The following CAB39L variants were observed in gnomAD, a reference collection of about 807,000 sequenced individuals.
The protein encoded by CAB39L is calcium-binding protein 39-like.
A neutral mutation model predicts 39.1 loss-of-function variants in CAB39L; 23 were observed. The ratio of observed to expected loss-of-function variants is 0.59; its 90% CI spans 0.42 to 0.83. The LOEUF (loss-of-function observed/expected upper bound fraction) is 0.83. Among genes scored for constraint, CAB39L ranks in the 40% least tolerant of loss-of-function variants. The pLI is 0.00. For missense variants in CAB39L, 366 were observed against 391.9 expected (o/e 0.93, Z 0.56); for synonymous variants, 126 against 137.2 (o/e 0.92, Z 0.57).
chr13:49,442,672 G>A (rs1333381564), intron 1 of CAB39L, among the ~76,000 whole-genome samples: 1 of 151,346 alleles, frequency 6.6e-6, no homozygotes, highest in Non-Finnish European at 1.5e-5. Context: ...GGTGTCTGTA[G>A]TCCCAGCTAC....
At chr13:49,400,976 C>T (rs560177440) in intron 3 of CAB39L, among the ~76,000 whole-genome samples, 53 of 152,016 alleles carry the variant, frequency 3.5e-4, no homozygotes, top group African/African-American at 1.2e-3. Flanking sequence ...TTAAACCTCT[C>T]CTAGTAACAG....
intron 6 of CAB39L, chr13:49,351,262 T>TTGTGTGTGTG (rs3035410): frequency 0.072 from 10,792 of 149,208 alleles, 431 homozygotes; most frequent in Non-Finnish European, 0.083. Context: ...GGTGACTAAA[T>TTGTGTGTGTG]TGTGTGTGTG....
chr13:49,398,183 G>A (rs1407810181), intron 3 of CAB39L, among the ~76,000 whole-genome samples: 1 of 152,018 alleles, frequency 6.6e-6, no homozygotes, highest in Admixed American at 6.6e-5. Context: ...TCCTTCCAAA[G>A]TTGGAAGGGA....
At chr13:49,350,154 G>A (rs1422840897) in intron 7 of CAB39L, among the ~76,000 whole-genome samples, 2 of 152,066 alleles carry the variant, frequency 1.3e-5, no homozygotes, top group Non-Finnish European at 2.9e-5. Flanking sequence ...TGCATCCTAC[G>A]ATTTCCTACA....
chr13:49,438,248 T>C (rs1288005117), intron 1 of CAB39L, among the ~76,000 whole-genome samples: 3 of 152,204 alleles, frequency 2.0e-5, no homozygotes, highest in Non-Finnish European at 4.4e-5. Context: ...CAAACAACCT[T>C]ATTCTACTTC....
At chr13:49,360,651 G>A (rs953533621) in intron 5 of CAB39L, among the ~76,000 whole-genome samples, 1 of 152,274 alleles carries the variant, frequency 6.6e-6, no homozygotes, top group African/African-American at 2.4e-5. Flanking sequence ...ATCTCATTAC[G>A]AATTGTAATC....
At chr13:49,388,431 G>A (rs1472544862) in intron 3 of CAB39L, among the ~76,000 whole-genome samples, 1 of 151,890 alleles carries the variant, frequency 6.6e-6, no homozygotes, top group Non-Finnish European at 1.5e-5. Flanking sequence ...AAAAACAAAC[G>A]AAAGCATAAA....
chr13:49,360,913 A>G (rs576725803), intron 5 of CAB39L, among the ~76,000 whole-genome samples: 2 of 152,202 alleles, frequency 1.3e-5, no homozygotes, highest in Non-Finnish European at 2.9e-5. Context: ...CTGTGACTCA[A>G]TTAAACCCCT....
intron 3 of CAB39L, among the ~76,000 whole-genome samples, chr13:49,416,050 C>A (rs75824637): frequency 0.015 from 2,359 of 152,230 alleles, 73 homozygotes; most frequent in African/African-American, 0.053. Context: ...CTCAGGCTTA[C>A]TCTGACATGT....
At chr13:49,314,771 C>T (rs1954107388) in intron 10 of CAB39L, among the ~76,000 whole-genome samples, 1 of 152,174 alleles carries the variant, frequency 6.6e-6, no homozygotes, top group Admixed American at 6.5e-5. Context: ...CTCTCTGTAC[C>T]TCAGTTTCTT....
chr13:49,338,778 T>C (rs1433831246), intron 9 of CAB39L, among the ~76,000 whole-genome samples: 1 of 152,252 alleles, frequency 6.6e-6, no homozygotes, highest in Non-Finnish European at 1.5e-5. Context: ...TCTTAGGGAA[T>C]GACCATGTTT....
rs111277702 is a variant in CAB39L at position 49,433,846 on chromosome 13, C to T, written c.-108+240G>A. Among the ~76,000 whole-genome samples, 182 of 152,272 alleles carry T rather than the reference C, an allele frequency of 1.2e-3. 1 individual carries two copies. The highest frequency in any genetic ancestry group is 4.4e-3 in the African/African-American group (181 of 41,546). On this transcript the variant is annotated intron_variant, in intron 2 of 10. Transcript: ENST00000409308. ...TAGCTCTTTCATATTTCTATTGTTT[C>T]CTAGCACAAAACATAGAAGAGCACT...
chr13:49,391,331 G>A (rs1956485075), intron 3 of CAB39L, among the ~76,000 whole-genome samples: 3 of 152,182 alleles, frequency 2.0e-5, no homozygotes, highest in South Asian at 4.1e-4. Flanking sequence ...GAAGAGAAAG[G>A]AAGATGGAGG....
chr13:49,432,785 A>C (rs1295378640), intron 3 of CAB39L, among the ~76,000 whole-genome samples: 1 of 152,224 alleles, frequency 6.6e-6, no homozygotes, highest in Non-Finnish European at 1.5e-5. Context: ...AATTCAAGTG[A>C]ATGTGAGCTG....
chr13:49,409,436 G>GTT (rs1342822757), intron 3 of CAB39L, among the ~76,000 whole-genome samples: 1 of 136,720 alleles, frequency 7.3e-6, no homozygotes, highest in Admixed American at 7.4e-5. Flanking sequence ...AATAAAAGAG[G>GTT]TTTTTGTTTG....
At chr13:49,428,764 A>G (rs115743436) in intron 3 of CAB39L, among the ~76,000 whole-genome samples, 3,022 of 152,286 alleles carry the variant, frequency 0.02, 91 homozygotes, top group African/African-American at 0.069. Context: ...GCCTAGAAAA[A>G]TAAGTATGTG....
intron 3 of CAB39L, chr13:49,392,900 A>T (rs966383142): frequency 6.6e-6 from 1 of 152,214 alleles, no homozygotes; most frequent in Non-Finnish European, 1.5e-5. Context: ...TCAATAAGTC[A>T]AATAAAAATT....
At chr13:49,382,445 C>A (rs1956269161) in intron 4 of CAB39L, 1 of 158,904 alleles carries the variant, frequency 6.3e-6, no homozygotes, top group African/African-American at 2.4e-5. Context: ...GACCTTAAAA[C>A]CGTATGAAAA....
chr13:49,422,617 A>ATT (rs1215728098), intron 3 of CAB39L, among the ~76,000 whole-genome samples: 39 of 144,004 alleles, frequency 2.7e-4, no homozygotes, highest in African/African-American at 8.4e-4. Flanking sequence ...TTCTCCCTTA[A>ATT]TTTTTTTTTT....
Sources: allele counts gnomAD v4.1 joint callset (sites outside exome capture counted in the v4.1 genomes callset), GRCh38; gene constraint gnomAD v4.1.1; transcripts MANE v1.5; gene names NCBI Gene and HGNC (gene_info 2026-07-23, HGNC 2026-07-21).